The following COL5A2 variants were observed in gnomAD, a reference collection of about 807,000 sequenced individuals.
COL5A2 encodes collagen type V alpha 2 chain, also known as collagen alpha-2(V) chain.
Under a neutral mutation model 208.2 loss-of-function variants are expected in COL5A2, and 23 were observed. The observed-to-expected ratio is 0.11, with a 90% CI of 0.08 to 0.16. The LOEUF (loss-of-function observed/expected upper bound fraction) is 0.16. COL5A2 is among the 10% of genes least tolerant of loss of function. The pLI, the probability that COL5A2 is intolerant of heterozygous loss-of-function variation, is 1.00. For missense variants in COL5A2, 1,590 were observed against 1,956.4 expected (o/e 0.81, Z 3.53); for synonymous variants, 625 against 628.5 (o/e 0.99, Z 0.08).
intron 1 of COL5A2, among the ~76,000 whole-genome samples, chr2:189,172,308 A>T (rs1339410552): frequency 6.6e-6 from 1 of 152,196 alleles, no homozygotes; most frequent in Admixed American, 6.5e-5. Context: ...GGAGATGGAG[A>T]ACAAATAAAA....
chr2:189,389,490 C>T, the COL5A2 span, among the ~76,000 whole-genome samples: 2 of 152,050 alleles, frequency 1.3e-5, no homozygotes, highest in Non-Finnish European at 2.9e-5. Flanking sequence ...ATCTTTTTTA[C>T]CTTCTTTCTC....
chr2:189,180,371 G>T (rs1307149139), upstream of COL5A2, among the ~76,000 whole-genome samples: 4 of 152,192 alleles, frequency 2.6e-5, no homozygotes, highest in African/African-American at 7.2e-5. Context: ...TTTGAATTAA[G>T]AAAGCATGTC....
At chr2:189,173,997 A>C (rs1688628928) in intron 1 of COL5A2, among the ~76,000 whole-genome samples, 1 of 152,242 alleles carries the variant, frequency 6.6e-6, no homozygotes, top group Admixed American at 6.5e-5. Flanking sequence ...ATCCATGTCC[A>C]TACATTTTAA....
chr2:189,046,243 G>C (rs191335055), intron 45 of COL5A2, among the ~76,000 whole-genome samples: 1 of 152,074 alleles, frequency 6.6e-6, no homozygotes, highest in Admixed American at 6.5e-5. Flanking sequence ...TGGTATACTT[G>C]GAATACACAA....
chr2:189,231,127 A>ATATGAGTATGTTGGTTTATTT, the COL5A2 span, among the ~76,000 whole-genome samples: 1 of 151,890 alleles, frequency 6.6e-6, no homozygotes. Context: ...AAATAGTCAA[A>ATATGAGTATGTTGGTTTATTT]CTCATCTTAG....
At chr2:189,091,865 T>C (rs2105666849) in intron 7 of COL5A2, among the ~76,000 whole-genome samples, 1 of 152,316 alleles carries the variant, frequency 6.6e-6, no homozygotes, top group South Asian at 2.1e-4. Flanking sequence ...GAAGAAATAA[T>C]TAGGTGTCAT....
chr2:189,237,598 A>C, the COL5A2 span, among the ~76,000 whole-genome samples: 1 of 151,886 alleles, frequency 6.6e-6, no homozygotes, highest in Non-Finnish European at 1.5e-5. Context: ...ATGATATATA[A>C]GTAGAACATT....
the COL5A2 span, among the ~76,000 whole-genome samples, chr2:189,425,008 G>T: frequency 6.6e-6 from 1 of 152,126 alleles, no homozygotes; most frequent in East Asian, 1.9e-4. Flanking sequence ...CTGCTCATTT[G>T]CAGCCAACTT....
the COL5A2 span, among the ~76,000 whole-genome samples, chr2:189,280,264 T>G: frequency 1.8e-4 from 28 of 152,170 alleles, no homozygotes; most frequent in Non-Finnish European, 1.5e-4. Context: ...AAGCTTATCG[T>G]TCCAGCACAG....
At chr2:189,273,688 A>G in the COL5A2 span, among the ~76,000 whole-genome samples, 1 of 152,250 alleles carries the variant, frequency 6.6e-6, no homozygotes, top group South Asian at 2.1e-4. Flanking sequence ...AGAGAAGAGA[A>G]TCCTGTCATT....
the COL5A2 span, among the ~76,000 whole-genome samples, chr2:189,294,460 C>T: frequency 2.7e-5 from 4 of 149,346 alleles, no homozygotes; most frequent in African/African-American, 7.3e-5. Flanking sequence ...AAATCTGATA[C>T]CCCTTTTTAG....
intron 1 of COL5A2, among the ~76,000 whole-genome samples, chr2:189,212,858 G>C (rs1176341008): frequency 8.5e-6 from 1 of 118,180 alleles, no homozygotes; most frequent in Non-Finnish European, 1.7e-5. Flanking sequence ...TATAAATATA[G>C]TGTTAAATAT....
At chr2:189,224,656 T>C (rs997750855) in intron 1 of COL5A2, among the ~76,000 whole-genome samples, 1 of 151,908 alleles carries the variant, frequency 6.6e-6, no homozygotes, top group African/African-American at 2.4e-5. Flanking sequence ...GCCACTGCAC[T>C]CCAGTCTGGG....
At chr2:189,259,718 T>C in the COL5A2 span, among the ~76,000 whole-genome samples, 1 of 152,190 alleles carries the variant, frequency 6.6e-6, no homozygotes, top group Admixed American at 6.5e-5. Context: ...TAGGAGATAT[T>C]TGGCTACGTT....
upstream of COL5A2, among the ~76,000 whole-genome samples, chr2:189,184,716 C>A (rs905355842): frequency 6.6e-6 from 1 of 152,164 alleles, no homozygotes; most frequent in African/African-American, 2.4e-5. Context: ...TAGTTTCCCT[C>A]ATCTCAAAGT....
chr2:189,043,077 A>G (rs1559075437), intron 48 of COL5A2, 74 bp downstream of exon 48: 2 of 1,067,074 alleles, frequency 1.9e-6, no homozygotes, highest in Non-Finnish European at 2.9e-6. Flanking sequence ...TTTTACAGAC[A>G]GATAAATGTT....
intron 1 of COL5A2, among the ~76,000 whole-genome samples, chr2:189,225,012 T>C (rs138873349): frequency 6.6e-6 from 1 of 152,246 alleles, no homozygotes; most frequent in East Asian, 1.9e-4. Flanking sequence ...CTGCAATGCA[T>C]ATCAAAACAA....
Position 189,206,595 on chromosome 2 carries a change from C to T in COL5A2, c.-42+18553G>A, listed in dbSNP as rs188741127. On this transcript the variant is annotated intron_variant, in intron 1 of 10. Coordinates refer to the COL5A2 transcript ENST00000649966. ...TGTTAAAACCATGAAGGACTAGGGCCAAGTCTGAATAACCACCAGAGGAAA... is the reference window on the plus strand; with the variant it reads ...TGTTAAAACCATGAAGGACTAGGGCTAAGTCTGAATAACCACCAGAGGAAA... 1.9e-3 allele frequency among the ~76,000 whole-genome samples: 288 copies of T among 152,244 alleles called. 1 individual carries two copies. Among genetic ancestry groups the T allele is most frequent in the African/African-American group, 6.5e-3 (269 of 41,550 alleles).
chr2:189,398,439 C>A, the COL5A2 span, among the ~76,000 whole-genome samples: 5,322 of 152,186 alleles, frequency 0.035, 108 homozygotes, highest in Admixed American at 0.05. Flanking sequence ...TATTCTGAAG[C>A]TATTCCATTT....
Sources: allele counts gnomAD v4.1 joint callset (sites outside exome capture counted in the v4.1 genomes callset), GRCh38; gene constraint gnomAD v4.1.1; transcripts MANE v1.5; gene names NCBI Gene and HGNC (gene_info 2026-07-23, HGNC 2026-07-21).